COL19A1: variants seen among roughly 807,000 people sequenced by gnomAD.
The protein encoded by COL19A1 is collagen type XIX alpha 1 chain, also known as collagen alpha-1(XIX) chain.
COL19A1 carries 159 observed loss-of-function variants against 190.2 expected under a neutral mutation model. The ratio of observed to expected loss-of-function variants is 0.84; its 90% CI spans 0.73 to 0.95. The LOEUF is 0.95. Ranked by LOEUF, COL19A1 falls within the 40% of genes least tolerant of loss-of-function variation. The pLI, the probability that COL19A1 is intolerant of heterozygous loss-of-function variation, is 0.00. For missense variants in COL19A1, 1,418 were observed against 1,431.9 expected, an observed-to-expected ratio of 0.99 and a Z score of 0.16; for synonymous variants, 509 against 458.9, an observed-to-expected ratio of 1.11 and a Z score of -1.39.
intron 1 of COL19A1, among the ~76,000 whole-genome samples, chr6:69,868,636 A>G (rs1767630140): frequency 6.6e-6 from 1 of 152,218 alleles, no homozygotes; most frequent in South Asian, 2.1e-4. Flanking sequence ...AATGGACAGG[A>G]CTAAGAAAGA....
intron 11 of COL19A1, among the ~76,000 whole-genome samples, chr6:70,010,271 A>G (rs910403388): frequency 2.6e-5 from 4 of 152,218 alleles, no homozygotes; most frequent in East Asian, 1.9e-4. Context: ...CGAAAGATAT[A>G]TGAATTGCAA....
At chr6:70,007,970 C>A (rs1163476852) in intron 11 of COL19A1, among the ~76,000 whole-genome samples, 2 of 151,826 alleles carry the variant, frequency 1.3e-5, no homozygotes, top group Non-Finnish European at 2.9e-5. Flanking sequence ...TGATTCTCAA[C>A]ACCCTGTAGG....
chr6:70,176,251 A>G (rs1042924802), intron 41 of COL19A1, among the ~76,000 whole-genome samples: 15 of 152,228 alleles, frequency 9.9e-5, no homozygotes, highest in African/African-American at 2.9e-4. Context: ...AAAATAGGTC[A>G]CAGAAATGAT....
Position 70,206,855 on chromosome 6 carries a change from A to G in COL19A1, c.3224-46A>G, listed in dbSNP as rs373147069. On this transcript the variant is annotated intron_variant, in intron 49 of 50. Transcript: ENST00000620364. The stretch of plus-strand genomic sequence containing the variant: ...TGGTTCTTCTCTGTGCTGTGTTGCC[A>G]TAGAACCCTTTTTGTGTGTCTCTTT... 12 of 1,556,126 alleles carry G rather than the reference A, an allele frequency of 7.7e-6. No individual in the cohort carries two copies. In the African/African-American group the frequency reaches 8.2e-5, roughly 11 times the overall value.
At chr6:69,983,044 A>G (rs1284935093) in intron 11 of COL19A1, among the ~76,000 whole-genome samples, 1 of 151,594 alleles carries the variant, frequency 6.6e-6, no homozygotes, top group Non-Finnish European at 1.5e-5. Flanking sequence ...CAACATGCCA[A>G]TTTCCACACT....
chr6:70,092,703 T>C (rs762676329), intron 15 of COL19A1, among the ~76,000 whole-genome samples: 5 of 152,206 alleles, frequency 3.3e-5, no homozygotes, highest in Non-Finnish European at 7.3e-5. Context: ...AAAATGTAGT[T>C]CTGTGAACTT....
At chr6:69,968,555 T>C (rs2150052562) in intron 11 of COL19A1, among the ~76,000 whole-genome samples, 1 of 152,300 alleles carries the variant, frequency 6.6e-6, no homozygotes, top group South Asian at 2.1e-4. Context: ...TATTGACTTC[T>C]AGCATTAAAT....
intron 4 of COL19A1, among the ~76,000 whole-genome samples, chr6:69,904,446 A>G (rs1424894613): frequency 6.6e-6 from 1 of 152,166 alleles, no homozygotes; most frequent in Non-Finnish European, 1.5e-5. Flanking sequence ...GGAGCAAGAA[A>G]TGCTGCCAGC....
At chr6:70,141,025 A>C (rs1409353644) in intron 20 of COL19A1, 36 bp downstream of exon 20, 15 of 1,565,670 alleles carry the variant, frequency 9.6e-6, no homozygotes, top group Non-Finnish European at 1.3e-5. Flanking sequence ...TGGGTTTTCT[A>C]CTTCATTGAT....
At chr6:69,874,275 G>A (rs535636052) in intron 1 of COL19A1, among the ~76,000 whole-genome samples, 12 of 152,160 alleles carry the variant, frequency 7.9e-5, no homozygotes, top group Non-Finnish European at 1.5e-4. Flanking sequence ...GTTTTGTTGA[G>A]GTCAACCTAC....
intron 11 of COL19A1, among the ~76,000 whole-genome samples, chr6:69,995,796 G>T (rs569009054): frequency 6.6e-6 from 1 of 152,230 alleles, no homozygotes; most frequent in East Asian, 1.9e-4. Flanking sequence ...TACATTTGTA[G>T]TTACTAAAGG....
At chr6:70,049,764 G>A (rs1780100461) in intron 14 of COL19A1, among the ~76,000 whole-genome samples, 1 of 151,452 alleles carries the variant, frequency 6.6e-6, no homozygotes, top group South Asian at 2.1e-4. Context: ...AAATTAAAAT[G>A]TATTTTAAAT....
intron 12 of COL19A1, among the ~76,000 whole-genome samples, chr6:70,032,342 A>G (rs766192427): frequency 6.6e-6 from 1 of 152,202 alleles, no homozygotes; most frequent in African/African-American, 2.4e-5. Flanking sequence ...GTCCAGGTCT[A>G]GCTGAGAAGA....
At chr6:70,180,214 G>T (rs1233761769) in intron 42 of COL19A1, 98 bp from the exon 43 acceptor site, 2 of 1,365,860 alleles carry the variant, frequency 1.5e-6, no homozygotes, top group African/African-American at 1.4e-5. Flanking sequence ...CATCACCCTT[G>T]GGAGCACTAT....
chr6:70,184,651 T>A, intron 44 of COL19A1, 52 bp from the exon 45 acceptor site: 1 of 1,422,434 alleles, frequency 7.0e-7, no homozygotes, highest in South Asian at 1.2e-5. Flanking sequence ...TTTTGTTGTG[T>A]TTAACTATGT....
At chr6:70,116,367 C>T (rs1784578035) in intron 16 of COL19A1, among the ~76,000 whole-genome samples, 1 of 152,164 alleles carries the variant, frequency 6.6e-6, no homozygotes, top group African/African-American at 2.4e-5. Context: ...ATTCAACAAA[C>T]ATTGGGTGCT....
At chr6:70,079,176 AG>A (rs1782084411) in intron 15 of COL19A1, among the ~76,000 whole-genome samples, 1 of 152,264 alleles carries the variant, frequency 6.6e-6, no homozygotes. Context: ...GAATGAACAC[AG>A]AACAGGCAAA....
At chr6:70,042,736 C>T (rs1197976420) in intron 14 of COL19A1, among the ~76,000 whole-genome samples, 1 of 152,206 alleles carries the variant, frequency 6.6e-6, no homozygotes, top group Non-Finnish European at 1.5e-5. Context: ...CTCTCAAATG[C>T]TGCTGTTACT....
At chr6:70,184,626 C>G in intron 44 of COL19A1, 77 bp from the exon 45 acceptor site, 2 of 1,175,544 alleles carry the variant, frequency 1.7e-6, no homozygotes, top group Non-Finnish European at 2.4e-6. Context: ...AGGAACTGTC[C>G]TCGAAACCTT....
Sources: gnomAD v4.1 joint callset for allele counts (sites outside exome capture counted in the v4.1 genomes callset) on GRCh38, gnomAD v4.1.1 for gene constraint, MANE v1.5 for transcripts, NCBI Gene and HGNC (gene_info 2026-07-23, HGNC 2026-07-21) for gene names.